ANAPC10: variants seen among roughly 807,000 people sequenced by gnomAD.
ANAPC10 encodes anaphase-promoting complex subunit 10.
Under a neutral mutation model 22.0 loss-of-function variants are expected in ANAPC10, and 12 were observed. That is an observed-to-expected ratio of 0.55 (90% CI 0.35 to 0.88). The LOEUF (loss-of-function observed/expected upper bound fraction) is 0.88, where lower values mean the gene tolerates loss of function less well. Ranked by LOEUF, ANAPC10 falls within the 40% of genes least tolerant of loss-of-function variation. The pLI is 0.01. For missense variants in ANAPC10, 188 were observed against 220.9 expected (o/e 0.85, Z 0.94); for synonymous variants, 65 against 69.5 (o/e 0.94, Z 0.32).
intron 4 of ANAPC10, among the ~76,000 whole-genome samples, chr4:145,005,731 G>A (rs1578875568): frequency 6.6e-6 from 1 of 152,048 alleles, no homozygotes; most frequent in African/African-American, 2.4e-5. Context: ...GAAGTCACTC[G>A]AAGCAGGCTG....
intron 1 of ANAPC10, chr4:145,097,512 C>A: frequency 7.8e-7 from 1 of 1,287,234 alleles, no homozygotes; most frequent in South Asian, 1.2e-5. Context: ...TTGACACCTC[C>A]CATTGTATCC....
intron 4 of ANAPC10, among the ~76,000 whole-genome samples, chr4:145,000,056 G>A (rs1209218602): frequency 1.3e-5 from 2 of 152,126 alleles, no homozygotes; most frequent in African/African-American, 4.8e-5. Context: ...ATTAATTCAA[G>A]ATGGATTAAA....
chr4:145,072,223 T>C (rs181816862), intron 3 of ANAPC10, among the ~76,000 whole-genome samples: 6 of 152,338 alleles, frequency 3.9e-5, no homozygotes, highest in African/African-American at 1.2e-4. Flanking sequence ...AAAAGTGTGC[T>C]ATATGCTCCC....
At chr4:145,006,096 G>C (rs1733301542) in intron 4 of ANAPC10, among the ~76,000 whole-genome samples, 1 of 152,146 alleles carries the variant, frequency 6.6e-6, no homozygotes, top group Non-Finnish European at 1.5e-5. Context: ...AAGTCTCTTT[G>C]TAGGTCTCTA....
intron 3 of ANAPC10, among the ~76,000 whole-genome samples, chr4:145,070,384 AAGATATACAAATAACCAG>A (rs1393310801): frequency 6.6e-6 from 1 of 152,256 alleles, no homozygotes; most frequent in African/African-American, 2.4e-5. Flanking sequence ...TTCTCTGAAG[AAGATATACAAATAACCAG>A]GAAGCACATG....
chr4:145,046,374 G>A (rs1740298463), intron 4 of ANAPC10, among the ~76,000 whole-genome samples: 1 of 151,940 alleles, frequency 6.6e-6, no homozygotes, highest in Admixed American at 6.6e-5. Flanking sequence ...AAAATTCAAA[G>A]TCATCCATAT....
intron 3 of ANAPC10, among the ~76,000 whole-genome samples, chr4:145,081,022 G>A (rs1354939813): frequency 8.6e-5 from 13 of 151,896 alleles, no homozygotes; most frequent in Non-Finnish European, 1.3e-4. Flanking sequence ...TGGAACCCCA[G>A]CATTTTGGGA....
At chr4:145,050,964 AG>A (rs1195445876) in intron 4 of ANAPC10, among the ~76,000 whole-genome samples, 1 of 152,246 alleles carries the variant, frequency 6.6e-6, no homozygotes, top group African/African-American at 2.4e-5. Flanking sequence ...AATTTCCGTC[AG>A]GAACTTTTCC....
intron 4 of ANAPC10, among the ~76,000 whole-genome samples, chr4:145,048,120 T>C (rs1346183706): frequency 6.6e-6 from 1 of 152,190 alleles, no homozygotes; most frequent in Non-Finnish European, 1.5e-5. Context: ...CCTTGGATTC[T>C]TTTCCTCAGT....
At chr4:145,054,679 T>A (rs555158272) in intron 4 of ANAPC10, among the ~76,000 whole-genome samples, 1 of 148,184 alleles carries the variant, frequency 6.7e-6, no homozygotes, top group East Asian at 2.0e-4. Flanking sequence ...TGTGTGTGTG[T>A]GTGCCTGTGT....
chr4:145,067,343 G>A (rs1743854264), intron 3 of ANAPC10, among the ~76,000 whole-genome samples: 1 of 152,012 alleles, frequency 6.6e-6, no homozygotes, highest in South Asian at 2.1e-4. Context: ...TGCTATATTC[G>A]TAGCATAAGA....
At chr4:145,097,774 G>C (rs996576085) in intron 1 of ANAPC10, 24 of 345,328 alleles carry the variant, frequency 6.9e-5, no homozygotes, top group African/African-American at 4.9e-4. Context: ...AAAAAAGATA[G>C]AAATAAAGCC....
chr4:145,016,780 C>CCAA (rs1405466735), intron 4 of ANAPC10, among the ~76,000 whole-genome samples: 4 of 152,134 alleles, frequency 2.6e-5, no homozygotes, highest in Non-Finnish European at 4.4e-5. Flanking sequence ...GATATACAGA[C>CCAA]CAATGCAACA....
At chr4:145,000,694 C>G (rs1732391064) in intron 4 of ANAPC10, among the ~76,000 whole-genome samples, 1 of 152,214 alleles carries the variant, frequency 6.6e-6, no homozygotes, top group African/African-American at 2.4e-5. Flanking sequence ...ATTCCCATTA[C>G]TGGGTATATA....
At chr4:145,074,642 T>C (rs957328032) in intron 3 of ANAPC10, among the ~76,000 whole-genome samples, 9 of 152,216 alleles carry the variant, frequency 5.9e-5, no homozygotes, top group Non-Finnish European at 1.2e-4. Flanking sequence ...GCATAATGTA[T>C]TTTAATTAGA....
intron 4 of ANAPC10, among the ~76,000 whole-genome samples, chr4:145,051,962 A>C (rs1741170646): frequency 6.6e-6 from 1 of 152,212 alleles, no homozygotes; most frequent in African/African-American, 2.4e-5. Flanking sequence ...CAAAATTGAA[A>C]AACTGTATGT....
rs140330078 is a variant in ANAPC10 at position 145,021,890 on chromosome 4, C to T, written c.328-26287G>A. 4.4e-3 allele frequency among the ~76,000 whole-genome samples: 668 copies of T among 152,198 alleles called. 3 individuals carry two copies. The highest frequency in any genetic ancestry group is 0.015 in the African/African-American group (614 of 41,526). On this transcript the variant is annotated intron_variant, in intron 4 of 4. Transcript: ENST00000507656. ...TAGACAATTATCAAAAGAAGATATA[C>T]AAATGGCCAACAAACATACGAAAAA...
intron 4 of ANAPC10, among the ~76,000 whole-genome samples, chr4:145,001,599 A>C (rs1370560356): frequency 6.6e-6 from 1 of 152,218 alleles, no homozygotes; most frequent in Non-Finnish European, 1.5e-5. Flanking sequence ...GTAATGGGTC[A>C]CAAAATCAGC....
At chr4:145,091,405 C>T (rs1747658674) in intron 2 of ANAPC10, among the ~76,000 whole-genome samples, 2 of 152,016 alleles carry the variant, frequency 1.3e-5, no homozygotes, top group African/African-American at 4.8e-5. Flanking sequence ...TCTAGTCATA[C>T]TAATAGATCA....
Sources: allele counts gnomAD v4.1 joint callset (sites outside exome capture counted in the v4.1 genomes callset), GRCh38; gene constraint gnomAD v4.1.1; transcripts MANE v1.5; gene names NCBI Gene and HGNC (gene_info 2026-07-23, HGNC 2026-07-21).